The following SNRNP48 variants were observed in gnomAD, a reference collection of about 807,000 sequenced individuals.
The protein encoded by SNRNP48 is U11/U12 small nuclear ribonucleoprotein 48 kDa protein.
A neutral mutation model predicts 47.0 loss-of-function variants in SNRNP48; 43 were observed. That is an observed-to-expected ratio of 0.92 (90% confidence interval 0.72 to 1.18). The LOEUF (loss-of-function observed/expected upper bound fraction) is 1.18, where lower values mean the gene tolerates loss of function less well. SNRNP48 is among the 50% of genes most tolerant of loss of function. The probability of loss-of-function intolerance (pLI) is 0.00; values close to 1 mark genes in which losing one functional copy is unlikely to be tolerated. For missense variants in SNRNP48, 396 were observed against 422.2 expected, an observed-to-expected ratio of 0.94 and a Z score of 0.54; for synonymous variants, 138 against 144.0, an observed-to-expected ratio of 0.96 and a Z score of 0.30.
At position 7,593,805 on chromosome 6, in the gene SNRNP48, A is replaced by T. The variant is rs199899360; in HGVS notation, c.228A>T (p.Ala76=). The T allele has an allele frequency of 7.5e-6, 12 of 1,598,854 alleles. No homozygotes were observed. The Admixed American group carries it at 8.6e-5, about 11-fold the overall frequency. Residue 76 remains alanine (A), a synonymous_variant, in exon 2 of 9, where the codon GCA becomes GCT. Transcript: ENST00000342415. ...AATCATCTTTGGCAAAGCACATGGC[A>T]TCTTGTAGATTGAGGAAAATGGGCT... ...MPKSSLAKHM[A]SCRLRKMGYT...
At chr6:7,604,169 G>A (rs1358012916) in intron 6 of SNRNP48, among the ~76,000 whole-genome samples, 2 of 152,238 alleles carry the variant, frequency 1.3e-5, no homozygotes, top group Admixed American at 1.3e-4. Context: ...CTTACATAGA[G>A]CTGCTGACAG....
intron 4 of SNRNP48, among the ~76,000 whole-genome samples, chr6:7,599,334 G>A (rs1347913341): frequency 6.6e-6 from 1 of 152,116 alleles, no homozygotes; most frequent in Non-Finnish European, 1.5e-5. Flanking sequence ...TGACGAAAAA[G>A]TTCTAGAGAT....
chr6:7,605,794 C>T (rs529071831), intron 7 of SNRNP48, among the ~76,000 whole-genome samples: 1 of 152,234 alleles, frequency 6.6e-6, no homozygotes, highest in South Asian at 2.1e-4. Flanking sequence ...TGTCCTACTG[C>T]TCAAGGTCAT....
In SNRNP48 at chr6:7,593,752, C is replaced by T. The variant is rs1455882169; in HGVS notation, c.175C>T (p.Pro59Ser). The T allele has an allele frequency of 6.3e-7, 1 of 1,591,388 alleles. No homozygotes were observed. Among genetic ancestry groups the T allele is most frequent in the African/African-American group, 1.4e-5 (1 of 73,856 alleles). The change falls in exon 2 of 9, where the codon CCA becomes TCA. Residue 59 changes from proline (P) to serine (S), a missense_variant. Pro to Ser is a moderately conservative substitution (Grantham distance 74, BLOSUM62 -1). Coordinates refer to ENST00000342415, the MANE Select transcript of SNRNP48 (RefSeq NM_152551.4). ...TTTATAGGATGAAGTTGTGATATGT[C>T]CATACGATTCCAATCATCACATGCC... is the stretch of plus-strand genomic sequence containing the variant. Reference protein sequence around the residue: ...EAAEDEVVICPYDSNHHMPKS... With the variant: ...EAAEDEVVICSYDSNHHMPKS...
intron 8 of SNRNP48, among the ~76,000 whole-genome samples, chr6:7,608,110 A>G (rs1328014930): frequency 6.6e-6 from 1 of 152,226 alleles, no homozygotes; most frequent in Non-Finnish European, 1.5e-5. Flanking sequence ...AGTAAGAAAT[A>G]CTTCTCAACA....
chr6:7,605,593 G>A, intron 7 of SNRNP48, 107 bp downstream of exon 7: 1 of 985,624 alleles, frequency 1.0e-6, no homozygotes, highest in South Asian at 1.5e-5. Context: ...ATAGCACACA[G>A]TAAACTCGTG....
chr6:7,604,603 C>T (rs1349897757), intron 6 of SNRNP48, among the ~76,000 whole-genome samples: 1 of 152,136 alleles, frequency 6.6e-6, no homozygotes, highest in Non-Finnish European at 1.5e-5. Flanking sequence ...GAGATTGCCC[C>T]GTGTCCCCTA....
rs779868226 is a variant in SNRNP48, at chr6:7,593,836, AAAG to A, written c.267_269del (p.Glu90del). 1.1e-4 allele frequency: 177 copies of A among 1,579,554 alleles called. No homozygotes were observed. Among genetic ancestry groups the A allele is most frequent in the Non-Finnish European group, 1.3e-4 (155 of 1,163,328 alleles). On this transcript the variant is annotated inframe_deletion, in exon 2 of 9. Transcript: ENST00000342415. ...TAGATTGAGGAAAATGGGCTATACC[AAAG>A]AAGAAGAGGTACCATATATTTACTA...
chr6:7,597,601 G>T (rs1040615799), intron 4 of SNRNP48, among the ~76,000 whole-genome samples: 6 of 152,126 alleles, frequency 3.9e-5, no homozygotes, highest in African/African-American at 1.4e-4. Flanking sequence ...TGGTCTAAGT[G>T]AAAATTAATA....
chr6:7,591,179 G>A (rs951557435), intron 1 of SNRNP48, among the ~76,000 whole-genome samples: 9 of 152,198 alleles, frequency 5.9e-5, no homozygotes, highest in African/African-American at 1.9e-4. Context: ...TCGCCTTTCT[G>A]TGCCTTAAAA....
At chr6:7,596,151 G>C (rs1287966626) in intron 4 of SNRNP48, among the ~76,000 whole-genome samples, 3 of 152,034 alleles carry the variant, frequency 2.0e-5, no homozygotes, top group African/African-American at 7.2e-5. Flanking sequence ...TGTAATCCCA[G>C]CTACTCAGGA....
chr6:7,597,342 T>C (rs575144573), intron 4 of SNRNP48, among the ~76,000 whole-genome samples: 11 of 152,350 alleles, frequency 7.2e-5, no homozygotes, highest in South Asian at 4.1e-4. Context: ...TCTTTCATGA[T>C]TAAGTGGAAG....
intron 6 of SNRNP48, among the ~76,000 whole-genome samples, chr6:7,603,297 G>T (rs1047721429): frequency 2.6e-5 from 4 of 152,064 alleles, no homozygotes; most frequent in Non-Finnish European, 5.9e-5. Flanking sequence ...TTATGTATTA[G>T]TCTCTTGGTG....
At chr6:7,605,008 ACT>A (rs35999016) in intron 6 of SNRNP48, among the ~76,000 whole-genome samples, 79 of 147,608 alleles carry the variant, frequency 5.4e-4, no homozygotes, top group Admixed American at 2.2e-3. Flanking sequence ...TCTCATTGGC[ACT>A]CTCTCTCTCT....
At chr6:7,598,050 G>A (rs1286310501) in intron 4 of SNRNP48, among the ~76,000 whole-genome samples, 1 of 150,910 alleles carries the variant, frequency 6.6e-6, no homozygotes, top group Non-Finnish European at 1.5e-5. Flanking sequence ...TATTTTTTTA[G>A]TAGAGACGGG....
Position 7,602,618 on chromosome 6 carries a change from A to G in SNRNP48, c.596-5A>G, listed in dbSNP as rs371727819. On this transcript the variant is annotated splice_region_variant and splice_polypyrimidine_tract_variant and intron_variant, in intron 5 of 8. Transcript: ENST00000342415. ...TATAATACTTTTATTTTATTCTTTCATTAGACAATAGTCGAAAAAGTCCAA... is the reference window on the plus strand; with the variant it reads ...TATAATACTTTTATTTTATTCTTTCGTTAGACAATAGTCGAAAAAGTCCAA... The G allele has an allele frequency of 6.4e-7, 1 of 1,570,544 alleles. No homozygotes were observed. Among genetic ancestry groups the G allele is most frequent in the Admixed American group, 2.0e-5 (1 of 50,016 alleles).
intron 4 of SNRNP48, chr6:7,600,983 T>G (rs1288435575): frequency 5.9e-6 from 1 of 168,100 alleles, no homozygotes; most frequent in African/African-American, 2.4e-5. Context: ...GAAAAGCATA[T>G]CAACAGATAC....
intron 6 of SNRNP48, among the ~76,000 whole-genome samples, chr6:7,603,393 T>A (rs1240536460): frequency 6.6e-6 from 1 of 152,208 alleles, no homozygotes; most frequent in Non-Finnish European, 1.5e-5. Flanking sequence ...TTGCCCAGAC[T>A]CTACAAATAA....
At chr6:7,596,978 A>G (rs1278992087) in intron 4 of SNRNP48, among the ~76,000 whole-genome samples, 1 of 152,168 alleles carries the variant, frequency 6.6e-6, no homozygotes, top group Non-Finnish European at 1.5e-5. Context: ...AGATAAGAAA[A>G]ACCCTGTCTG....
Sources: allele counts gnomAD v4.1 joint callset (sites outside exome capture counted in the v4.1 genomes callset), GRCh38; gene constraint gnomAD v4.1.1; transcripts MANE v1.5; gene names NCBI Gene and HGNC (gene_info 2026-07-23, HGNC 2026-07-21).